OTUD3: variants seen among roughly 807,000 people sequenced by gnomAD.
OTUD3 encodes the protein OTU domain-containing protein 3.
OTUD3 carries 24 observed loss-of-function variants against 46.2 expected under a neutral mutation model. The observed-to-expected ratio is 0.52, with a 90% CI of 0.38 to 0.73. OTUD3 has a LOEUF of 0.73. Ranked by LOEUF, OTUD3 falls within the 30% of genes least tolerant of loss-of-function variation. OTUD3 has a pLI of 0.00. For synonymous variants in OTUD3, 189 were observed against 195.4 expected, an observed-to-expected ratio of 0.97 and a Z score of 0.27; for missense variants, 455 against 523.3, an observed-to-expected ratio of 0.87 and a Z score of 1.27.
chr1:19,898,933 C>T (rs1259399905), intron 4 of OTUD3, among the ~76,000 whole-genome samples: 1 of 152,142 alleles, frequency 6.6e-6, no homozygotes, highest in Non-Finnish European at 1.5e-5. Flanking sequence ...ACCTTGGCCT[C>T]ATGAGTAACT....
At chr1:19,903,424 A>T (rs549054999) in intron 4 of OTUD3, among the ~76,000 whole-genome samples, 1 of 151,772 alleles carries the variant, frequency 6.6e-6, no homozygotes, top group South Asian at 2.1e-4. Context: ...CGGCTCAAAG[A>T]CTCCTGTAAC....
chr1:19,899,918 T>A (rs1300057923), intron 4 of OTUD3, among the ~76,000 whole-genome samples: 2 of 152,210 alleles, frequency 1.3e-5, no homozygotes, highest in African/African-American at 4.8e-5. Context: ...TTTTTTCCTA[T>A]TAAGTTGTCT....
chr1:19,894,582 G>A (rs1010476732), intron 3 of OTUD3, 102 bp downstream of exon 3: 47 of 672,184 alleles, frequency 7.0e-5, no homozygotes, highest in African/African-American at 3.8e-4. Context: ...TGAATTATGC[G>A]GAGTAACTTG....
At chr1:19,894,332 A>C (rs764983325) in intron 2 of OTUD3, 36 bp from the exon 3 acceptor site, 7 of 1,271,590 alleles carry the variant, frequency 5.5e-6, no homozygotes, top group South Asian at 1.3e-5. Context: ...TTTTTCCACT[A>C]TAAAGACGTC....
At chr1:19,899,939 G>A (rs900345113) in intron 4 of OTUD3, among the ~76,000 whole-genome samples, 1 of 151,824 alleles carries the variant, frequency 6.6e-6, no homozygotes, top group African/African-American at 2.4e-5. Context: ...TAATGATTTT[G>A]GGGAGCTTTT....
Position 19,907,899 on chromosome 1 carries a change from C to T in OTUD3, c.*153C>T. On this transcript the variant is annotated 3_prime_UTR_variant, in exon 8 of 8. Coordinates refer to ENST00000375120, the MANE Select transcript of OTUD3 (RefSeq NM_015207.2). ...TGAGTTAGTTTCGTTCAAGCTGCCT[C>T]TTTTTTTGTTCGAAGTTTTATTAGT... 1 of 593,820 alleles carries T rather than the reference C, an allele frequency of 1.7e-6. No individual in the cohort carries two copies. The highest frequency in any genetic ancestry group is 3.3e-5 in the Admixed American group (1 of 29,876). 36.8% of individuals were successfully genotyped at this position (593,820 alleles called of 1,614,324 possible).
chr1:19,898,913 C>T (rs1230035841), intron 4 of OTUD3, among the ~76,000 whole-genome samples: 1 of 152,082 alleles, frequency 6.6e-6, no homozygotes, highest in Non-Finnish European at 1.5e-5. Flanking sequence ...TGGACTCCAG[C>T]GATCTTCCCA....
intron 2 of OTUD3, 93 bp downstream of exon 2, chr1:19,890,626 G>A (rs762055896): frequency 8.2e-5 from 94 of 1,145,500 alleles, no homozygotes; most frequent in Non-Finnish European, 1.2e-4. Flanking sequence ...CAAGGGTTTG[G>A]TTATATAAAT....
chr1:19,912,942 C>CA lies in OTUD3; in HGVS notation c.*5199dup, dbSNP rs1376657298. 1 of 152,272 alleles carries CA rather than the reference C, an allele frequency of 6.6e-6. No homozygotes were observed. The highest frequency in any genetic ancestry group is 1.9e-4 in the East Asian group (1 of 5,340). 9.4% of individuals were successfully genotyped at this position (152,272 alleles called of 1,614,324 possible). A position where few individuals can be genotyped will look rare whatever the true frequency, so the allele number is the denominator to read the frequency against. On this transcript the variant is annotated 3_prime_UTR_variant, in exon 8 of 8. Transcript: ENST00000375120. ...ATACCAATAAATTCTAGTTTAAAAA[C>CA]AAAGTTTTAAGTTGTTTTTATCAGT... is the stretch of plus-strand genomic sequence containing the variant.
At chr1:19,905,936 T>C (rs1020757840) in intron 6 of OTUD3, among the ~76,000 whole-genome samples, 4 of 152,224 alleles carry the variant, frequency 2.6e-5, no homozygotes, top group African/African-American at 9.6e-5. Flanking sequence ...ACTTGGTCTT[T>C]GTGACTTTAA....
Position 19,907,803 on chromosome 1 carries a change from G to T in OTUD3, c.*57G>T, listed in dbSNP as rs2100328794. On this transcript the variant is annotated 3_prime_UTR_variant, in exon 8 of 8. Transcript: ENST00000375120. ...GCTGGAAAAGGATTGCTGTGTGCTA[G>T]ACTTTCCAGTGAGGCCGTCCTTTTA... The T allele has an allele frequency of 2.0e-6, 3 of 1,534,610 alleles. No homozygotes were observed. Among genetic ancestry groups the T allele is most frequent in the South Asian group, 2.3e-5 (2 of 85,446 alleles).
intron 1 of OTUD3, among the ~76,000 whole-genome samples, chr1:19,884,138 CAG>C (rs1168398928): frequency 2.6e-5 from 4 of 152,124 alleles, no homozygotes; most frequent in Non-Finnish European, 5.9e-5. Flanking sequence ...CTTATAGAAA[CAG>C]AAATACCAAT....
At chr1:19,889,730 A>G (rs1005113163) in intron 1 of OTUD3, among the ~76,000 whole-genome samples, 1 of 152,208 alleles carries the variant, frequency 6.6e-6, no homozygotes, top group Non-Finnish European at 1.5e-5. Flanking sequence ...ATTTGGCAGG[A>G]ATAACAATGG....
At position 19,907,701 on chromosome 1, in the gene OTUD3, C is replaced by T. The variant is rs764163900; in HGVS notation, c.1152C>T (p.Asn384=). 6.2e-7 allele frequency: 1 copy of T among 1,614,246 alleles called. No homozygotes were observed. Among genetic ancestry groups the T allele is most frequent in the Non-Finnish European group, 8.5e-7 (1 of 1,180,044 alleles). Residue 384 remains asparagine, a synonymous_variant, in exon 8 of 8, where the codon AAC becomes AAT. Coordinates refer to ENST00000375120, the MANE Select transcript of OTUD3 (RefSeq NM_015207.2). ...RDNNRSEAEA[N]TQVTLVKTFA... ...ATAACAGAAGCGAAGCAGAGGCGAA[C>T]ACGCAGGTCACCTTGGTGAAGACCT...
intron 6 of OTUD3, among the ~76,000 whole-genome samples, chr1:19,905,843 G>A (rs900061522): frequency 3.3e-5 from 5 of 152,192 alleles, no homozygotes; most frequent in African/African-American, 9.7e-5. Context: ...GTCAGATACT[G>A]TTTCTGGCAT....
chr1:19,908,377 TG>T lies in OTUD3; in HGVS notation c.*634del, dbSNP rs529675663. Reference sequence around the variant, plus strand: ...TTCCTGATTCTGATGTTATTTCAGATGGGATGCAGGTGCTGTTAGTTCATTT... The same window carrying T: ...TTCCTGATTCTGATGTTATTTCAGATGGATGCAGGTGCTGTTAGTTCATTT... On this transcript the variant is annotated 3_prime_UTR_variant, in exon 8 of 8. Coordinates refer to ENST00000375120, the MANE Select transcript of OTUD3 (RefSeq NM_015207.2). 3.1e-4 allele frequency: 48 copies of T among 152,488 alleles called. 1 individual carries two copies. The highest frequency in any genetic ancestry group is 1.1e-3 in the African/African-American group (44 of 41,586). The allele number at this position is 152,488 out of a possible 1,614,324, so 9.4% of individuals were successfully genotyped here. A position where few individuals can be genotyped will look rare whatever the true frequency, so the allele number is the denominator to read the frequency against.
At chr1:19,899,829 T>G (rs564570301) in intron 4 of OTUD3, among the ~76,000 whole-genome samples, 29 of 152,350 alleles carry the variant, frequency 1.9e-4, no homozygotes, top group Non-Finnish European at 4.1e-4. Flanking sequence ...TAATTTGCAT[T>G]TCTCTTATTT....
At chr1:19,901,059 G>A (rs912991584) in intron 4 of OTUD3, among the ~76,000 whole-genome samples, 2 of 151,796 alleles carry the variant, frequency 1.3e-5, no homozygotes, top group African/African-American at 4.8e-5. Context: ...ACAGGCGCTC[G>A]CCACTACCCT....
intron 6 of OTUD3, among the ~76,000 whole-genome samples, 198 bp from the exon 7 acceptor site, chr1:19,906,234 T>C (rs1382141088): frequency 6.6e-6 from 1 of 152,216 alleles, no homozygotes; most frequent in Non-Finnish European, 1.5e-5. Flanking sequence ...AGTGGGTTAT[T>C]TTAGAATTTA....
Sources: allele counts gnomAD v4.1 joint callset (sites outside exome capture counted in the v4.1 genomes callset), GRCh38; gene constraint gnomAD v4.1.1; transcripts MANE v1.5; gene names NCBI Gene and HGNC (gene_info 2026-07-23, HGNC 2026-07-21).